Variants in ADCY9 observed in about 807,000 individuals in gnomAD.
ADCY9 encodes the protein adenylate cyclase type 9.
In ADCY9, 50 loss-of-function variants were observed where a neutral mutation model predicts 101.5. The ratio of observed to expected loss-of-function variants is 0.49; its 90% CI spans 0.39 to 0.62. The LOEUF (loss-of-function observed/expected upper bound fraction) is 0.62, where lower values mean the gene tolerates loss of function less well. ADCY9 is among the 20% of genes least tolerant of loss of function. The pLI is 0.00. For missense variants in ADCY9, 1,662 were observed against 1,800.4 expected (o/e 0.92, Z 1.39); for synonymous variants, 905 against 769.3 (o/e 1.18, Z -2.92).
intron 2 of ADCY9, among the ~76,000 whole-genome samples, chr16:4,097,546 TATATATA>T (rs1212286003): frequency 5.9e-5 from 3 of 50,810 alleles, no homozygotes; most frequent in African/African-American, 1.3e-4. Context: ...TATATATATA[TATATATA>T]TTTTTTTTTT....
intron 2 of ADCY9, among the ~76,000 whole-genome samples, chr16:4,097,487 T>TATATATATATATACATACATACACAC (rs76750792): frequency 1.4e-5 from 1 of 72,508 alleles, no homozygotes; most frequent in African/African-American, 5.2e-5. Context: ...TATATATATA[T>TATATATATATATACATACATACACAC]ACACACACAC....
rs937700064 is a variant in ADCY9 at position 4,115,590 on chromosome 16, G to C, written c.-44+100C>G. 1.1e-6 allele frequency: 1 copy of C among 943,504 alleles called. No homozygotes were observed. Among genetic ancestry groups the C allele is most frequent in the Non-Finnish European group, 1.5e-6 (1 of 652,012 alleles). The allele number at this position is 943,504 out of a possible 1,614,324, so 58.4% of individuals were successfully genotyped here. ...AAGGGGCGGCTCCAGCACGCGACCTGGACAGGCACCATCTGTTCCTGTGGT... is the reference window on the plus strand; with the variant it reads ...AAGGGGCGGCTCCAGCACGCGACCTCGACAGGCACCATCTGTTCCTGTGGT... On this transcript the variant is annotated intron_variant, in intron 1 of 10. Transcript: ENST00000294016. The surrounding 1 kb of genome is among the most constrained non-coding windows in gnomAD (Gnocchi z 6.2).
intron 2 of ADCY9, among the ~76,000 whole-genome samples, chr16:4,037,999 A>C (rs1018872269): frequency 6.6e-6 from 1 of 151,494 alleles, no homozygotes; most frequent in Admixed American, 6.5e-5. Flanking sequence ...TCTTACTGGC[A>C]CAGTGGCTCA....
At chr16:4,008,459 G>C (rs529035527) in intron 2 of ADCY9, among the ~76,000 whole-genome samples, 11 of 152,208 alleles carry the variant, frequency 7.2e-5, no homozygotes, top group African/African-American at 2.4e-4. Flanking sequence ...TAACCAGATG[G>C]CAAATGTATC....
intron 2 of ADCY9, among the ~76,000 whole-genome samples, chr16:4,097,246 T>C (rs888642698): frequency 2.6e-5 from 4 of 151,750 alleles, no homozygotes; most frequent in Non-Finnish European, 5.9e-5. Context: ...CCTGGGCCCA[T>C]TCACATTCCC....
chr16:4,070,848 A>C (rs2056829258), intron 2 of ADCY9, among the ~76,000 whole-genome samples: 1 of 152,106 alleles, frequency 6.6e-6, no homozygotes, highest in Admixed American at 6.6e-5. Flanking sequence ...CAGGAGTCTG[A>C]GATGGGAGGA....
chr16:3,975,851 C>A (rs112457925), intron 9 of ADCY9, among the ~76,000 whole-genome samples: 2 of 152,076 alleles, frequency 1.3e-5, no homozygotes, highest in African/African-American at 2.4e-5. Context: ...TAAGATATCA[C>A]GAAATATTTG....
At chr16:4,059,613 C>T (rs112859202) in intron 2 of ADCY9, among the ~76,000 whole-genome samples, 11 of 151,918 alleles carry the variant, frequency 7.2e-5, no homozygotes, top group South Asian at 4.2e-4. Context: ...AGAAAAACTA[C>T]GCAGCTGGGC....
In ADCY9 at chr16:3,966,918, C is replaced by T. The variant is rs1597132256; in HGVS notation, c.2919G>A (p.Arg973=). 6.2e-7 allele frequency: 1 copy of T among 1,613,822 alleles called. No individual in the cohort carries two copies. Among genetic ancestry groups the T allele is most frequent in the South Asian group, 1.1e-5 (1 of 91,080 alleles). Residue 973 remains arginine, a synonymous_variant, in exon 11 of 11, where the codon CGG becomes CGA. Coordinates refer to ENST00000294016, the MANE Select transcript of ADCY9 (RefSeq NM_001116.4). ...CNSSVPRDLR[R]PASLIGQEVV... ...CCTCCTGGCCGATGAGGCTGGCGGG[C>T]CGCCGGAGGTCACGCGGCACCGAAC...
chr16:4,059,474 T>C (rs1393155577), intron 2 of ADCY9, among the ~76,000 whole-genome samples: 1 of 150,200 alleles, frequency 6.7e-6, no homozygotes, highest in Admixed American at 6.6e-5. Flanking sequence ...TCTGGAATAA[T>C]GAAGTGAGAA....
chr16:3,955,223 TA>T (rs1214756190), intron 5 of ADCY9, among the ~76,000 whole-genome samples: 180 of 143,744 alleles, frequency 1.3e-3, no homozygotes, highest in Admixed American at 1.2e-3. Flanking sequence ...TGTCTCTCAT[TA>T]AAAAAAAAAA....
At chr16:3,977,382 C>T (rs1026491304) in intron 9 of ADCY9, 100 bp downstream of exon 9, 27 of 1,427,556 alleles carry the variant, frequency 1.9e-5, no homozygotes, top group East Asian at 2.5e-5. Flanking sequence ...ATATCTCTAT[C>T]GGGGCGTGAG....
intron 3 of ADCY9, among the ~76,000 whole-genome samples, chr16:3,995,491 T>C (rs926598494): frequency 2.0e-5 from 3 of 152,074 alleles, no homozygotes; most frequent in Admixed American, 1.3e-4. Flanking sequence ...TGGCATACAG[T>C]ATACCCGTAA....
chr16:4,054,344 A>G (rs2056722047), intron 2 of ADCY9, among the ~76,000 whole-genome samples: 1 of 151,508 alleles, frequency 6.6e-6, no homozygotes, highest in Admixed American at 6.6e-5. Context: ...TTTGTGGTGC[A>G]CAAAAATAGA....
At chr16:4,055,600 G>A (rs1404151489) in intron 2 of ADCY9, among the ~76,000 whole-genome samples, 3 of 151,956 alleles carry the variant, frequency 2.0e-5, no homozygotes, top group Admixed American at 6.6e-5. Context: ...TTGGGAGGCC[G>A]GGGTGGGGGG....
chr16:4,019,772 A>G (rs2056462387), intron 2 of ADCY9, among the ~76,000 whole-genome samples: 1 of 152,200 alleles, frequency 6.6e-6, no homozygotes, highest in African/African-American at 2.4e-5. Flanking sequence ...AAGACAGCTG[A>G]GTACTTAGAG....
In ADCY9 at chr16:4,113,773, C is replaced by A; in HGVS notation, c.1670G>T (p.Ser557Ile). Residue 557 changes from serine to isoleucine, a missense_variant, in exon 2 of 11, where the codon AGC (serine) becomes ATC (isoleucine). By Grantham distance (142) the Ser-to-Ile change is moderately radical. This residue lies in a region of ADCY9 where 624 missense variants were observed against 639.1 expected (regional missense o/e 0.98). Coordinates refer to ENST00000294016, the MANE Select transcript of ADCY9 (RefSeq NM_001116.4). ...ACCTTTCAACTGGTCAGCAACCACG[C>A]TCTGGCCCAGCCGTTCAATAACTTT... ...DGKVIERLGQ[S>I]VVADQLKGLK... 1 of 1,613,460 alleles carries A rather than the reference C, an allele frequency of 6.2e-7. No homozygotes were observed.
chr16:4,017,926 G>A (rs1194981495), intron 2 of ADCY9, among the ~76,000 whole-genome samples: 3 of 152,222 alleles, frequency 2.0e-5, no homozygotes, highest in Non-Finnish European at 2.9e-5. Context: ...TGCAGCAGGT[G>A]TAGCCCGCAC....
chr16:4,051,250 G>T (rs987629571), intron 2 of ADCY9, among the ~76,000 whole-genome samples: 52 of 151,880 alleles, frequency 3.4e-4, no homozygotes, highest in African/African-American at 1.3e-3. Context: ...ACCTGGCCAG[G>T]CATGGTGGCT....
Sources: allele counts gnomAD v4.1 joint callset (sites outside exome capture counted in the v4.1 genomes callset), GRCh38; gene constraint gnomAD v4.1.1; regional missense constraint gnomAD v4.1.1; non-coding constraint Gnocchi (gnomAD v3.1); transcripts MANE v1.5; gene names NCBI Gene and HGNC (gene_info 2026-07-23, HGNC 2026-07-21).